FGL2: variants seen among roughly 807,000 people sequenced by gnomAD.
The protein encoded by FGL2 is fibroleukin.
Under a neutral mutation model 36.0 loss-of-function variants are expected in FGL2, and 21 were observed. The ratio of observed to expected loss-of-function variants is 0.58; its 90% CI spans 0.41 to 0.84. The LOEUF (loss-of-function observed/expected upper bound fraction) is 0.84. Ranked by LOEUF, FGL2 falls within the 40% of genes least tolerant of loss-of-function variation. The pLI, the probability that FGL2 is intolerant of heterozygous loss-of-function variation, is 0.00. For synonymous variants in FGL2, 183 were observed against 190.7 expected, an observed-to-expected ratio of 0.96 and a Z score of 0.33; for missense variants, 444 against 526.3, an observed-to-expected ratio of 0.84 and a Z score of 1.53.
chr7:77,199,038 A>ATTTATTT, intron 1 of FGL2, 143 bp downstream of exon 1: 3 of 702,268 alleles, frequency 4.3e-6, no homozygotes, highest in Non-Finnish European at 2.4e-6. Context: ...TTGAGAAGAT[A>ATTTATTT]TTTATTTTTT....
Position 77,196,556 on chromosome 7 carries a change from T to A in FGL2, c.1043A>T (p.His348Leu), listed in dbSNP as rs746412322. 6 of 1,614,216 alleles carry A rather than the reference T, an allele frequency of 3.7e-6. No homozygotes were observed. The highest frequency in any genetic ancestry group is 3.4e-6 in the Non-Finnish European group (4 of 1,180,030). Residue 348 changes from histidine (H) to leucine (L), a missense_variant, in exon 2 of 2, where the codon CAT becomes CTT. Physicochemically the swap from His to Leu is moderately conservative, Grantham distance 99. Transcript: ENST00000248598. This position sits in a 1 kb window ranked among gnomAD's most constrained non-coding sequence, Gnocchi z 4.2. ...GAAAAACTTCAGATCGTGGTTGTAA[T>A]GTTTGTTGAAACGTAATGCATCTCC... ...TAGDALRFNK[H>L]YNHDLKFFTT... is the part of the protein sequence containing the mutation.
At chr7:77,198,055 C>A in intron 1 of FGL2, 1 of 846,392 alleles carries the variant, frequency 1.2e-6, no homozygotes, top group Non-Finnish European at 1.4e-6. Context: ...GAAAAATAGA[C>A]AATAGTCTTC....
At chr7:77,198,212 A>T in intron 1 of FGL2, 1 of 985,390 alleles carries the variant, frequency 1.0e-6, no homozygotes. Context: ...TGAAAATATG[A>T]CCCTTCCCTC....
chr7:77,196,227 G>C lies in FGL2; in HGVS notation c.*52C>G. The C allele has an allele frequency of 6.1e-6, 8 of 1,315,442 alleles. No individual in the cohort carries two copies. Among genetic ancestry groups the C allele is most frequent in the Non-Finnish European group, 8.5e-6 (8 of 941,096 alleles). The allele number at this position is 1,315,442 out of a possible 1,614,324, so 81.5% of individuals were successfully genotyped here. On this transcript the variant is annotated 3_prime_UTR_variant, in exon 2 of 2. Transcript: ENST00000248598. The surrounding 1 kb of genome is among the most constrained non-coding windows in gnomAD (Gnocchi z 4.2). Reference sequence around the variant, plus strand: ...CAAGGCATATTCTAAAGTGCTGAAGGAATTAATTGCCCTATTAGATAACGA... The same window carrying C: ...CAAGGCATATTCTAAAGTGCTGAAGCAATTAATTGCCCTATTAGATAACGA...
chr7:77,199,286 CTA>C lies in FGL2; in HGVS notation c.506_507del (p.Ile169ArgfsTer5), dbSNP rs755625313. ...GCCACTTTGCTGTCAACATAATTTT[CTA>C]TGTTGTTCATATTTACAAGATTCAG... The part of the protein sequence containing the change: ...EKLNLVNMNN[I>X]ENYVDSKVAN... On this transcript the variant is annotated frameshift_variant, in exon 1 of 2. Coordinates refer to ENST00000248598, the MANE Select transcript of FGL2 (RefSeq NM_006682.3). LOFTEE classifies it high-confidence loss of function. 4.3e-6 allele frequency: 7 copies of C among 1,614,024 alleles called. No homozygotes were observed. Among genetic ancestry groups the C allele is most frequent in the Non-Finnish European group, 5.9e-6 (7 of 1,179,896 alleles).
intron 1 of FGL2, chr7:77,198,118 TC>T: frequency 1.0e-6 from 1 of 985,406 alleles, no homozygotes; most frequent in Non-Finnish European, 1.2e-6. Flanking sequence ...CCCACTGATG[TC>T]ACCTAAGCGG....
Position 77,196,704 on chromosome 7 carries a change from T to TA in FGL2, c.894_895insT (p.Ile299TyrfsTer7). ...AAGTCTTCAAGATCTATTCTCAGAATCATTTCCTTACTCTTGGTCAGAAGA... is the reference window on the plus strand; with the variant it reads ...AAGTCTTCAAGATCTATTCTCAGAATACATTTCCTTACTCTTGGTCAGAAGA... On this transcript the variant is annotated frameshift_variant, in exon 2 of 2. Coordinates refer to ENST00000248598, the MANE Select transcript of FGL2 (RefSeq NM_006682.3). LOFTEE classifies it high-confidence loss of function. This position sits in a 1 kb window ranked among gnomAD's most constrained non-coding sequence, Gnocchi z 4.2. The TA allele has an allele frequency of 6.2e-7, 1 of 1,614,206 alleles. No homozygotes were observed. Among genetic ancestry groups the TA allele is most frequent in the South Asian group, 1.1e-5 (1 of 91,080 alleles).
In FGL2 at chr7:77,199,670, T is replaced by C; in HGVS notation, c.124A>G (p.Arg42Gly). 1 of 1,614,224 alleles carries C rather than the reference T, an allele frequency of 6.2e-7. No individual in the cohort carries two copies. The highest frequency in any genetic ancestry group is 8.5e-7 in the Non-Finnish European group (1 of 1,180,028). The part of the protein sequence containing the change: ...DERAKDVCPV[R>G]LESRGKCEEA... ...TCGCATTTCCCTCTGCTTTCTAGTC[T>C]CACTGGGCAGACATCCTTTGCTCTT... is the stretch of plus-strand genomic sequence containing the variant. Residue 42 changes from arginine to glycine, a missense_variant, in exon 1 of 2, where the codon AGA becomes GGA. Coordinates refer to ENST00000248598, the MANE Select transcript of FGL2 (RefSeq NM_006682.3).
rs1038951415 is a variant in FGL2 at position 77,194,562 on chromosome 7, A to G, written c.*1717T>C. On this transcript the variant is annotated 3_prime_UTR_variant, in exon 2 of 2. Coordinates refer to ENST00000248598, the MANE Select transcript of FGL2 (RefSeq NM_006682.3). The stretch of plus-strand genomic sequence containing the variant: ...AAGGAATATCTTACTTTTTGACTAA[A>G]TAGTTCTGTAAGGGCCTAATATTTG... 1 of 152,094 alleles carries G rather than the reference A, an allele frequency of 6.6e-6. No individual in the cohort carries two copies. The highest frequency in any genetic ancestry group is 2.4e-5 in the African/African-American group (1 of 41,438). 9.4% of individuals were successfully genotyped at this position (152,094 alleles called of 1,614,324 possible). A position where few individuals can be genotyped will look rare whatever the true frequency, so the allele number is the denominator to read the frequency against.
At position 77,196,038 on chromosome 7, in the gene FGL2, G is replaced by A. The variant is rs1791862460; in HGVS notation, c.*241C>T. The A allele has an allele frequency of 6.6e-6, 3 of 453,080 alleles. No homozygotes were observed. The highest frequency in any genetic ancestry group is 1.2e-5 in the Non-Finnish European group (3 of 257,310). The allele number at this position is 453,080 out of a possible 1,614,324, so 28.1% of individuals were successfully genotyped here. A position where few individuals can be genotyped will look rare whatever the true frequency, so the allele number is the denominator to read the frequency against. ...AAATTAAAAGAATTGTAAATCTAAT[G>A]TATAATTCTCAATATTGCTAATTGC... On this transcript the variant is annotated 3_prime_UTR_variant, in exon 2 of 2. Coordinates refer to ENST00000248598, the MANE Select transcript of FGL2 (RefSeq NM_006682.3). The surrounding 1 kb of genome is among the most constrained non-coding windows in gnomAD (Gnocchi z 4.2).
chr7:77,196,116 CA>C lies in FGL2; in HGVS notation c.*162del. 1 of 588,254 alleles carries C rather than the reference CA, an allele frequency of 1.7e-6. No homozygotes were observed. 36.4% of individuals were successfully genotyped at this position (588,254 alleles called of 1,614,324 possible). A position where few individuals can be genotyped will look rare whatever the true frequency, so the allele number is the denominator to read the frequency against. On this transcript the variant is annotated 3_prime_UTR_variant, in exon 2 of 2. Transcript: ENST00000248598. This position sits in a 1 kb window ranked among gnomAD's most constrained non-coding sequence, Gnocchi z 4.2. ...AACAACAAAGGACTCCTTTAAAATG[CA>C]TTGTTTTTCAGCTTTATTTCAAATG...
chr7:77,196,843 T>G lies in FGL2; in HGVS notation c.756A>C (p.Thr252=), dbSNP rs748206225. The change falls in exon 2 of 2, where the codon ACA becomes ACC. Residue 252 remains threonine, a synonymous_variant. Coordinates refer to ENST00000248598, the MANE Select transcript of FGL2 (RefSeq NM_006682.3). The surrounding 1 kb of genome is among the most constrained non-coding windows in gnomAD (Gnocchi z 4.2). ...TCCCATCGAGACGTGCCTGCAGCAC[T>G]GTCCAGCCTCCCCCCATGGTCTCCA... The part of the protein sequence containing the change: ...CDMETMGGGW[T]VLQARLDGST... 1 of 1,614,014 alleles carries G rather than the reference T, an allele frequency of 6.2e-7. No homozygotes were observed. Among genetic ancestry groups the G allele is most frequent in the South Asian group, 1.1e-5 (1 of 91,058 alleles).
Position 77,199,761 on chromosome 7 carries a change from T to G in FGL2, c.33A>C (p.Ser11=). MKLANWYWLS[S]AVLATYGFLV... is the part of the protein sequence containing the mutation. ...AAAAACCGTAAGTGGCAAGAACAGCTGAGCTCAGCCAGTACCAGTTAGCCA... is the reference window on the plus strand; with the variant it reads ...AAAAACCGTAAGTGGCAAGAACAGCGGAGCTCAGCCAGTACCAGTTAGCCA... The change falls in exon 1 of 2, where the codon TCA becomes TCC. Residue 11 remains serine (S), a synonymous_variant. Coordinates refer to ENST00000248598, the MANE Select transcript of FGL2 (RefSeq NM_006682.3). 1.2e-6 allele frequency: 2 copies of G among 1,614,148 alleles called. No individual in the cohort carries two copies. Among genetic ancestry groups the G allele is most frequent in the African/African-American group, 2.7e-5 (2 of 75,068 alleles).
intron 1 of FGL2, chr7:77,198,916 C>T: frequency 2.1e-6 from 1 of 481,618 alleles, no homozygotes; most frequent in Non-Finnish European, 3.6e-6. Flanking sequence ...TCTACTTCTG[C>T]TTGCAAGTAG....
rs1426244012 is a variant in FGL2, at chr7:77,196,391, T to C, written c.1208A>G (p.Asn403Ser). The stretch of plus-strand genomic sequence containing the variant: ...AGGCCAGGTACCCCAGAAAATCCCA[T>C]TACGGACACCTCTGTATTTTTGGTG... Reference protein sequence around the residue: ...YYHQKYRGVRNGIFWGTWPGV... With the variant: ...YYHQKYRGVRSGIFWGTWPGV... The change falls in exon 2 of 2, where the codon AAT becomes AGT. Residue 403 changes from asparagine to serine, a missense_variant. Asn to Ser is a conservative substitution (Grantham distance 46, BLOSUM62 1). Coordinates refer to ENST00000248598, the MANE Select transcript of FGL2 (RefSeq NM_006682.3). This position sits in a 1 kb window ranked among gnomAD's most constrained non-coding sequence, Gnocchi z 4.2. 4 of 1,614,130 alleles carry C rather than the reference T, an allele frequency of 2.5e-6. No individual in the cohort carries two copies. Among genetic ancestry groups the C allele is most frequent in the Middle Eastern group, 1.6e-4 (1 of 6,062 alleles).
rs1428119829 is a variant in FGL2, at chr7:77,199,751, C to T, written c.43G>A (p.Ala15Thr). ...NWYWLSSAVL[A>T]TYGFLVVANN... ...GCCACAACCAAAAAACCGTAAGTGG[C>T]AAGAACAGCTGAGCTCAGCCAGTAC... Residue 15 changes from alanine to threonine, a missense_variant, in exon 1 of 2, where the codon GCC becomes ACC. Physicochemically the swap from Ala to Thr is moderately conservative, Grantham distance 58. Transcript: ENST00000248598. 1 of 1,613,974 alleles carries T rather than the reference C, an allele frequency of 6.2e-7. No homozygotes were observed. The highest frequency in any genetic ancestry group is 1.3e-5 in the African/African-American group (1 of 74,924).
chr7:77,197,636 T>C (rs905771321), intron 1 of FGL2, among the ~76,000 whole-genome samples: 2 of 152,234 alleles, frequency 1.3e-5, no homozygotes, highest in East Asian at 3.8e-4. Context: ...GAAGGTTTTA[T>C]AGCATATATT....
chr7:77,195,537 G>A lies in FGL2; in HGVS notation c.*742C>T, dbSNP rs1031272127. On this transcript the variant is annotated 3_prime_UTR_variant, in exon 2 of 2. Coordinates refer to ENST00000248598, the MANE Select transcript of FGL2 (RefSeq NM_006682.3). ...AAAGTAAATGATATAGATTAAGTTT[G>A]TCTCAGAATGAAGATTACCCAAATA... 3 of 152,142 alleles carry A rather than the reference G, an allele frequency of 2.0e-5. No homozygotes were observed. The highest frequency in any genetic ancestry group is 7.2e-5 in the African/African-American group (3 of 41,430). 9.4% of individuals were successfully genotyped at this position (152,142 alleles called of 1,614,324 possible).
intron 1 of FGL2, chr7:77,198,771 C>T (rs925355482): frequency 9.8e-6 from 2 of 203,076 alleles, no homozygotes; most frequent in South Asian, 1.5e-4. Flanking sequence ...CCATGAGAAG[C>T]GGCAGTCAGT....
Sources: allele counts gnomAD v4.1 joint callset (sites outside exome capture counted in the v4.1 genomes callset), GRCh38; gene constraint gnomAD v4.1.1; non-coding constraint Gnocchi (gnomAD v3.1); transcripts MANE v1.5; gene names NCBI Gene and HGNC (gene_info 2026-07-23, HGNC 2026-07-21).